Variants in C12orf42 observed in about 807,000 individuals in gnomAD.
The protein encoded by C12orf42 is chromosome 12 open reading frame 42.
Under a neutral mutation model 21.6 loss-of-function variants are expected in C12orf42, and 25 were observed. That is an observed-to-expected ratio of 1.16 (90% confidence interval 0.84 to 1.62). The LOEUF (loss-of-function observed/expected upper bound fraction) is 1.62, where lower values mean the gene tolerates loss of function less well. Among genes scored for constraint, C12orf42 ranks in the 40% most tolerant of loss-of-function variants. The pLI, the probability that C12orf42 is intolerant of heterozygous loss-of-function variation, is 0.00. For synonymous variants in C12orf42, 174 were observed against 175.0 expected (o/e 0.99, Z 0.05); for missense variants, 483 against 459.3 (o/e 1.05, Z -0.47).
chr12:103,276,921 T>G (rs916983596), intron 5 of C12orf42, among the ~76,000 whole-genome samples: 1 of 152,200 alleles, frequency 6.6e-6, no homozygotes, highest in Non-Finnish European at 1.5e-5. Context: ...GTGATGATAC[T>G]TGAAGTAGAG....
chr12:103,543,900 T>TTG, the C12orf42 span, among the ~76,000 whole-genome samples: 2 of 144,234 alleles, frequency 1.4e-5, no homozygotes, highest in African/African-American at 5.1e-5. Flanking sequence ...TGTTTTGTTT[T>TTG]TTGTTTTTTT....
chr12:103,080,192 G>A, the C12orf42 span, among the ~76,000 whole-genome samples: 1 of 152,146 alleles, frequency 6.6e-6, no homozygotes, highest in African/African-American at 2.4e-5. Flanking sequence ...AGGAAGAGTT[G>A]GGGCGGCCAG....
At chr12:103,532,665 TATA>T in the C12orf42 span, among the ~76,000 whole-genome samples, 4 of 152,226 alleles carry the variant, frequency 2.6e-5, no homozygotes, top group South Asian at 2.1e-4. Context: ...CACAATTATG[TATA>T]ATATTTTTGA....
At chr12:103,119,408 C>T in the C12orf42 span, among the ~76,000 whole-genome samples, 1 of 152,100 alleles carries the variant, frequency 6.6e-6, no homozygotes, top group Non-Finnish European at 1.5e-5. Context: ...TCATTTTTGT[C>T]CCATTGAGTT....
chr12:103,147,033 C>G, the C12orf42 span, among the ~76,000 whole-genome samples: 124 of 152,250 alleles, frequency 8.1e-4, no homozygotes, highest in African/African-American at 2.8e-3. Context: ...ACCCTCATTT[C>G]TATAAGGGCA....
chr12:103,196,136 G>A, the C12orf42 span, among the ~76,000 whole-genome samples: 13 of 151,854 alleles, frequency 8.6e-5, no homozygotes, highest in Admixed American at 1.3e-4. Context: ...TTGTAACTTT[G>A]TTTTCATTAG....
chr12:103,092,380 T>C, the C12orf42 span, among the ~76,000 whole-genome samples: 1 of 152,094 alleles, frequency 6.6e-6, no homozygotes, highest in Non-Finnish European at 1.5e-5. Flanking sequence ...AGCATATGAA[T>C]TTGGGATTTT....
the C12orf42 span, among the ~76,000 whole-genome samples, chr12:103,217,850 G>C: frequency 6.6e-6 from 1 of 152,142 alleles, no homozygotes; most frequent in East Asian, 1.9e-4. Context: ...CCTTCCTAGT[G>C]TGGTCCCAGG....
At chr12:103,166,101 A>AAGG in the C12orf42 span, among the ~76,000 whole-genome samples, 141 of 146,548 alleles carry the variant, frequency 9.6e-4, no homozygotes, top group Middle Eastern at 7.4e-3. Context: ...AGGAAGGAAG[A>AAGG]AACCACAAGA....
chr12:103,078,374 T>A, the C12orf42 span, among the ~76,000 whole-genome samples: 1 of 152,226 alleles, frequency 6.6e-6, no homozygotes. Flanking sequence ...GTCTGTGTTT[T>A]GCATTTTATC....
the C12orf42 span, among the ~76,000 whole-genome samples, chr12:103,533,725 A>T: frequency 1.6e-4 from 25 of 152,352 alleles, no homozygotes; most frequent in African/African-American, 5.3e-4. Context: ...ACCAAGCTAC[A>T]AATTTTCAAA....
the C12orf42 span, among the ~76,000 whole-genome samples, chr12:103,183,360 G>A: frequency 1.5e-4 from 23 of 152,216 alleles, no homozygotes; most frequent in African/African-American, 5.3e-4. Context: ...GATTACAGGC[G>A]TGAGCCACCA....
chr12:103,190,487 G>T, the C12orf42 span, among the ~76,000 whole-genome samples: 2 of 152,068 alleles, frequency 1.3e-5, no homozygotes, highest in African/African-American at 4.8e-5. Flanking sequence ...ATCTAATATT[G>T]ACTATGATAT....
At chr12:103,427,600 C>T (rs1949942513) in intron 2 of C12orf42, among the ~76,000 whole-genome samples, 1 of 152,102 alleles carries the variant, frequency 6.6e-6, no homozygotes, top group South Asian at 2.1e-4. Context: ...ATATTCAGGA[C>T]TTGAATTCAG....
chr12:103,167,892 GTGT>G, the C12orf42 span: 1 of 313,270 alleles, frequency 3.2e-6, no homozygotes, highest in Non-Finnish European at 6.1e-6. Context: ...GTGTGTGTGT[GTGT>G]GTGTGTGTGT....
At chr12:103,431,492 A>C (rs962609457) in intron 2 of C12orf42, among the ~76,000 whole-genome samples, 2 of 152,168 alleles carry the variant, frequency 1.3e-5, no homozygotes, top group African/African-American at 4.8e-5. Context: ...TCCTGCACTT[A>C]CTTGTTATGG....
At chr12:103,209,087 C>T in the C12orf42 span, among the ~76,000 whole-genome samples, 1 of 152,042 alleles carries the variant, frequency 6.6e-6, no homozygotes, top group Non-Finnish European at 1.5e-5. Flanking sequence ...CAAATTTGAG[C>T]ATCATTAATG....
chr12:103,235,671 C>G (rs554423398), downstream of C12orf42, among the ~76,000 whole-genome samples: 1 of 152,138 alleles, frequency 6.6e-6, no homozygotes, highest in African/African-American at 2.4e-5. Context: ...AATAACACTT[C>G]GTGTCTGATA....
the C12orf42 span, among the ~76,000 whole-genome samples, chr12:103,560,912 T>C: frequency 6.6e-6 from 1 of 152,242 alleles, no homozygotes; most frequent in South Asian, 2.1e-4. Flanking sequence ...CACAATAGCA[T>C]ATCTAGGCGT....
Sources: gnomAD v4.1 joint callset for allele counts (sites outside exome capture counted in the v4.1 genomes callset) on GRCh38, gnomAD v4.1.1 for gene constraint, MANE v1.5 for transcripts, NCBI Gene and HGNC (gene_info 2026-07-23, HGNC 2026-07-21) for gene names.